Variants in ANKS1B observed in about 807,000 individuals in gnomAD.
ANKS1B encodes ankyrin repeat and sterile alpha motif domain-containing protein 1B.
ANKS1B carries 36 observed loss-of-function variants against 148.3 expected under a neutral mutation model. The observed-to-expected ratio is 0.24, with a 90% CI of 0.19 to 0.32. The LOEUF (loss-of-function observed/expected upper bound fraction) is 0.32. Ranked by LOEUF, ANKS1B falls within the 10% of genes least tolerant of loss-of-function variation. The pLI, the probability that ANKS1B is intolerant of heterozygous loss-of-function variation, is 1.00. For synonymous variants in ANKS1B, 542 were observed against 560.8 expected (o/e 0.97, Z 0.47); for missense variants, 1,157 against 1,542.6 (o/e 0.75, Z 4.19).
At chr12:99,573,731 A>C (rs1350133649) in intron 9 of ANKS1B, among the ~76,000 whole-genome samples, 1 of 152,002 alleles carries the variant, frequency 6.6e-6, no homozygotes, top group Non-Finnish European at 1.5e-5. Flanking sequence ...ATAGAAAAAA[A>C]ATCCTCACTC....
rs192248270 is a variant in ANKS1B at position 99,238,640 on chromosome 12, G to A, written c.2419+5702C>T. On this transcript the variant is annotated intron_variant, in intron 14 of 26. Coordinates refer to ENST00000683438, the MANE Select transcript of ANKS1B (RefSeq NM_001352186.2). ...CCTGACCCCTGTGTAGCCTGACTGG[G>A]AGACATCTCCCAGTAGGGGCCAACA... Among the ~76,000 whole-genome samples the A allele has an allele frequency of 1.3e-3, 195 of 152,350 alleles. 1 individual carries two copies. Among genetic ancestry groups the A allele is most frequent in the African/African-American group, 4.4e-3 (181 of 41,586 alleles).
intron 8 of ANKS1B, among the ~76,000 whole-genome samples, chr12:99,678,753 T>C (rs1421492629): frequency 6.6e-6 from 1 of 152,180 alleles, no homozygotes; most frequent in Non-Finnish European, 1.5e-5. Context: ...TCTTAGAGAC[T>C]CCAAAACCTG....
intron 8 of ANKS1B, among the ~76,000 whole-genome samples, chr12:99,698,832 TCC>T (rs1199954351): frequency 6.6e-6 from 1 of 152,144 alleles, no homozygotes; most frequent in Non-Finnish European, 1.5e-5. Context: ...TCGATTTCTC[TCC>T]TTAAGGCCTA....
chr12:99,046,498 T>G (rs150944974), intron 17 of ANKS1B, among the ~76,000 whole-genome samples: 36 of 152,012 alleles, frequency 2.4e-4, no homozygotes, highest in African/African-American at 8.4e-4. Context: ...AGACAGAAAA[T>G]ATAAGAAAGA....
At chr12:99,398,705 C>A (rs771269303) in intron 12 of ANKS1B, among the ~76,000 whole-genome samples, 10 of 152,100 alleles carry the variant, frequency 6.6e-5, no homozygotes, top group Non-Finnish European at 1.3e-4. Flanking sequence ...GCTACTGAAA[C>A]AACCTGCTGC....
intron 9 of ANKS1B, among the ~76,000 whole-genome samples, chr12:99,636,937 C>A (rs1271720391): frequency 6.6e-6 from 1 of 152,000 alleles, no homozygotes; most frequent in Non-Finnish European, 1.5e-5. Context: ...AGAAAAAATA[C>A]AATTGCCTCA....
At chr12:99,949,001 T>C (rs1402609633) in intron 1 of ANKS1B, among the ~76,000 whole-genome samples, 2 of 152,318 alleles carry the variant, frequency 1.3e-5, no homozygotes, top group African/African-American at 4.8e-5. Context: ...GGTTGAGCTA[T>C]ATTAATTGTG....
chr12:99,908,757 T>A (rs541325201), intron 1 of ANKS1B, among the ~76,000 whole-genome samples: 1 of 152,334 alleles, frequency 6.6e-6, no homozygotes, highest in South Asian at 2.1e-4. Context: ...ACTTAAGGTA[T>A]ACAACATGAT....
rs893054029 is a variant in ANKS1B at position 99,325,729 on chromosome 12, A to G, written c.1756+73902T>C. Among the ~76,000 whole-genome samples the G allele has an allele frequency of 2.6e-5, 4 of 152,130 alleles. No homozygotes were observed. The South Asian group carries it at 8.3e-4, about 31-fold the overall frequency. ...AAGCATTTCTTCAAAGAATTGTAAT[A>G]GGAGATGGAGCATGGTTTTATCAGT... On this transcript the variant is annotated intron_variant, in intron 12 of 26. Coordinates refer to ENST00000683438, the MANE Select transcript of ANKS1B (RefSeq NM_001352186.2).
At chr12:99,207,434 C>T (rs2372718) in intron 14 of ANKS1B, among the ~76,000 whole-genome samples, 10,190 of 152,084 alleles carry the variant, frequency 0.067, 1,135 homozygotes, top group African/African-American at 0.23. Flanking sequence ...ATATTAATTG[C>T]TGAACATAAG....
chr12:98,858,657 T>C (rs2099583978), intron 17 of ANKS1B, among the ~76,000 whole-genome samples: 2 of 152,160 alleles, frequency 1.3e-5, no homozygotes. Context: ...GAAATTCTTT[T>C]AGCAGAGCTT....
intron 1 of ANKS1B, among the ~76,000 whole-genome samples, chr12:99,852,792 C>T (rs2088173892): frequency 2.0e-5 from 3 of 152,236 alleles, no homozygotes; most frequent in Admixed American, 1.3e-4. Context: ...CTCGCTTTCT[C>T]AGCTGGGAGG....
intron 12 of ANKS1B, among the ~76,000 whole-genome samples, chr12:99,280,906 T>TAC (rs879363174): frequency 5.4e-5 from 8 of 148,586 alleles, no homozygotes; most frequent in Admixed American, 1.3e-4. Flanking sequence ...CACATGCACG[T>TAC]ACACACACAC....
intron 9 of ANKS1B, among the ~76,000 whole-genome samples, chr12:99,568,433 T>C (rs539143690): frequency 6.6e-6 from 1 of 152,350 alleles, no homozygotes; most frequent in South Asian, 2.1e-4. Context: ...ATCTCTTTTT[T>C]ACAGAAGGTA....
At chr12:99,143,593 G>A (rs1003657507) in intron 15 of ANKS1B, among the ~76,000 whole-genome samples, 1 of 152,098 alleles carries the variant, frequency 6.6e-6, no homozygotes, top group Non-Finnish European at 1.5e-5. Context: ...GATAGATCAT[G>A]TCTTCCATGA....
chr12:98,968,412 G>A (rs192662982), intron 17 of ANKS1B, among the ~76,000 whole-genome samples: 146 of 152,262 alleles, frequency 9.6e-4, no homozygotes, highest in Non-Finnish European at 1.5e-3. Flanking sequence ...TGATTCTGAT[G>A]CTTGCTCAAG....
intron 14 of ANKS1B, among the ~76,000 whole-genome samples, chr12:99,240,236 A>G (rs1328167953): frequency 6.6e-6 from 1 of 152,210 alleles, no homozygotes; most frequent in African/African-American, 2.4e-5. Context: ...AAGCAAATGG[A>G]AAACAAAAAA....
At chr12:99,680,850 C>T (rs1244549301) in intron 8 of ANKS1B, among the ~76,000 whole-genome samples, 1 of 152,080 alleles carries the variant, frequency 6.6e-6, no homozygotes, top group Non-Finnish European at 1.5e-5. Context: ...TGCATGGGAG[C>T]TGAGTGAGGC....
At chr12:99,888,929 C>T (rs922585186) in intron 1 of ANKS1B, among the ~76,000 whole-genome samples, 1 of 150,828 alleles carries the variant, frequency 6.6e-6, no homozygotes, top group African/African-American at 2.4e-5. Context: ...TCTCTTAACC[C>T]TAAAATTCCA....
Sources: gnomAD v4.1 joint callset for allele counts (sites outside exome capture counted in the v4.1 genomes callset) on GRCh38, gnomAD v4.1.1 for gene constraint, MANE v1.5 for transcripts, NCBI Gene and HGNC (gene_info 2026-07-23, HGNC 2026-07-21) for gene names.